Variants in USP18 observed in about 807,000 individuals in gnomAD.
The protein encoded by USP18 is ubl carboxyl-terminal hydrolase 18.
Under a neutral mutation model 48.7 loss-of-function variants are expected in USP18, and 11 were observed. The observed-to-expected ratio is 0.23, with a 90% CI of 0.14 to 0.37. The LOEUF (loss-of-function observed/expected upper bound fraction) is 0.37, where lower values mean the gene tolerates loss of function less well. USP18 is among the 10% of genes least tolerant of loss of function. USP18 has a pLI of 1.00. For synonymous variants in USP18, 114 were observed against 163.2 expected, an observed-to-expected ratio of 0.70 and a Z score of 2.30; for missense variants, 285 against 436.4, an observed-to-expected ratio of 0.65 and a Z score of 3.09.
intron 1 of USP18, among the ~76,000 whole-genome samples, chr22:18,155,156 T>TCAGGGCC (rs1322516644): frequency 7.9e-5 from 12 of 152,250 alleles, no homozygotes; most frequent in Admixed American, 7.8e-4. Flanking sequence ...CTGAAGTTAT[T>TCAGGGCC]CAGGGCCCAG....
chr22:18,172,034 G>T (rs1474668008), intron 8 of USP18, among the ~76,000 whole-genome samples: 1 of 152,130 alleles, frequency 6.6e-6, no homozygotes, highest in Non-Finnish European at 1.5e-5. Context: ...TCTTTGGGAG[G>T]CCAAGAGGAT....
At chr22:18,151,725 A>C (rs1929004429) in intron 1 of USP18, among the ~76,000 whole-genome samples, 1 of 152,084 alleles carries the variant, frequency 6.6e-6, no homozygotes, top group African/African-American at 2.4e-5. Flanking sequence ...AAGTGTTGTA[A>C]TCCGTGTGTT....
chr22:18,157,226 G>A (rs1029016864), intron 1 of USP18, among the ~76,000 whole-genome samples: 4 of 152,252 alleles, frequency 2.6e-5, no homozygotes, highest in African/African-American at 9.6e-5. Context: ...CCTGGCATCA[G>A]GGGCTGAGAG....
chr22:18,171,645 G>T (rs1430101488), intron 8 of USP18, among the ~76,000 whole-genome samples: 3 of 150,698 alleles, frequency 2.0e-5, no homozygotes, highest in Non-Finnish European at 4.4e-5. Context: ...AACAAAACAA[G>T]AAAAACTAAA....
intron 2 of USP18, among the ~76,000 whole-genome samples, chr22:18,159,118 C>T (rs1003033628): frequency 2.9e-4 from 44 of 151,232 alleles, no homozygotes; most frequent in African/African-American, 1.0e-3. Flanking sequence ...TGCAGTGGCA[C>T]GATCTTGGCT....
intron 10 of USP18, among the ~76,000 whole-genome samples, chr22:18,175,144 A>G (rs971729701): frequency 1.3e-5 from 2 of 152,056 alleles, no homozygotes; most frequent in African/African-American, 4.8e-5. Flanking sequence ...CGATCTCCTG[A>G]CCTCGTGATC....
rs186296490 is a variant in USP18 at position 18,174,706 on chromosome 22, A to G, written c.1073+864A>G. Among the ~76,000 whole-genome samples, 15 of 152,182 alleles carry G rather than the reference A, an allele frequency of 9.9e-5. No individual in the cohort carries two copies. In the East Asian group the frequency reaches 1.5e-3, roughly 16 times the overall value. On this transcript the variant is annotated intron_variant, in intron 10 of 10. Coordinates refer to ENST00000215794, the MANE Select transcript of USP18 (RefSeq NM_017414.4). ...TGGGCACAGGTGATCCTCCCACCTCAGCCTCCTGAATAGCTGGGACTACAG... is the reference window on the plus strand; with the variant it reads ...TGGGCACAGGTGATCCTCCCACCTCGGCCTCCTGAATAGCTGGGACTACAG...
rs1472271450 is a variant in USP18 at position 18,157,756 on chromosome 22, A to G, written c.93A>G (p.Glu31=). The stretch of plus-strand genomic sequence containing the variant: ...CGGCAGATCTTGAAGAAAAGAAGGA[A>G]GAAGACAGCAACATGAAGAGAGAGC... The part of the protein sequence containing the change: ...QSPADLEEKK[E]EDSNMKREQP... Residue 31 remains glutamate, a synonymous_variant, in exon 2 of 11, where the codon GAA becomes GAG. Coordinates refer to ENST00000215794, the MANE Select transcript of USP18 (RefSeq NM_017414.4). 2 of 1,614,150 alleles carry G rather than the reference A, an allele frequency of 1.2e-6. No individual in the cohort carries two copies. Among genetic ancestry groups the G allele is most frequent in the South Asian group, 2.2e-5 (2 of 91,084 alleles).
chr22:18,158,681 C>T (rs2123729928), intron 2 of USP18, among the ~76,000 whole-genome samples: 1 of 152,248 alleles, frequency 6.6e-6, no homozygotes, highest in South Asian at 2.1e-4. Context: ...TTCTCGTATT[C>T]TTATAAGTTC....
chr22:18,161,930 T>G lies in USP18; in HGVS notation c.395T>G (p.Val132Gly). The change falls in exon 4 of 11, where the codon GTG becomes GGG. Residue 132 changes from valine to glycine, a missense_variant. Around this residue, in one of 5 missense-constraint regions of USP18, gnomAD observed 199 missense variants for 239.6 expected, o/e 0.83. Coordinates refer to ENST00000215794, the MANE Select transcript of USP18 (RefSeq NM_017414.4). ...GCCTACTGCCTGCAGAAGTGCAACG[T>G]GCCCTGTAAGATACCCTCCCACTGG... Reference protein sequence around the residue: ...ELAYCLQKCNVPLFVQHDAAQ... With the variant: ...ELAYCLQKCNGPLFVQHDAAQ... 1.9e-6 allele frequency: 3 copies of G among 1,612,228 alleles called. No individual in the cohort carries two copies. Among genetic ancestry groups the G allele is most frequent in the Non-Finnish European group, 2.5e-6 (3 of 1,179,022 alleles).
At chr22:18,151,940 A>G (rs931176056) in intron 1 of USP18, among the ~76,000 whole-genome samples, 3 of 152,108 alleles carry the variant, frequency 2.0e-5, no homozygotes, top group Non-Finnish European at 4.4e-5. Flanking sequence ...TGTAGTCCCA[A>G]CTACTCGGGA....
In USP18 at chr22:18,160,216, T is replaced by A; in HGVS notation, c.202T>A (p.Ser68Thr). Reference sequence around the variant, plus strand: ...CATTGGACAGACCTGCTGCCTTAACTCCTTGATTCAGGTGTTCGTAATGAA... The same window carrying A: ...CATTGGACAGACCTGCTGCCTTAACACCTTGATTCAGGTGTTCGTAATGAA... ...HNIGQTCCLN[S>T]LIQVFVMNVD... Residue 68 changes from serine (S) to threonine (T), a missense_variant, in exon 3 of 11, where the codon TCC becomes ACC. By Grantham distance (58) the Ser-to-Thr change is moderately conservative (BLOSUM62 1). Coordinates refer to ENST00000215794, the MANE Select transcript of USP18 (RefSeq NM_017414.4). 1 of 1,614,182 alleles carries A rather than the reference T, an allele frequency of 6.2e-7. No individual in the cohort carries two copies. The highest frequency in any genetic ancestry group is 1.7e-5 in the Admixed American group (1 of 60,020).
intron 3 of USP18, 148 bp from the exon 4 acceptor site, chr22:18,161,642 G>A (rs1196219734): frequency 1.2e-4 from 84 of 723,278 alleles, no homozygotes; most frequent in Non-Finnish European, 1.6e-4. Flanking sequence ...AACTGCCCGC[G>A]CCCCGCCCCC....
chr22:18,167,688 A>T (rs896135815), intron 5 of USP18, among the ~76,000 whole-genome samples: 1 of 127,726 alleles, frequency 7.8e-6, no homozygotes, highest in Non-Finnish European at 1.6e-5. Context: ...ACAGAGCGAG[A>T]CTCTGTCTCA....
At chr22:18,155,757 G>C (rs1056051824) in intron 1 of USP18, among the ~76,000 whole-genome samples, 23 of 152,348 alleles carry the variant, frequency 1.5e-4, no homozygotes, top group Admixed American at 1.4e-3. Context: ...CGCCATGCCT[G>C]AGCCTCCCCA....
chr22:18,173,317 G>C (rs1217643085), intron 9 of USP18, 36 bp downstream of exon 9: 2 of 1,575,378 alleles, frequency 1.3e-6, no homozygotes, highest in Non-Finnish European at 1.7e-6. Flanking sequence ...TCCTGCCCTG[G>C]ATTGGCCACC....
intron 1 of USP18, among the ~76,000 whole-genome samples, chr22:18,154,397 C>T (rs117543853): frequency 0.017 from 2,611 of 152,118 alleles, 34 homozygotes; most frequent in Non-Finnish European, 0.025. Context: ...AGGCTTTCAC[C>T]TTTTATAAGA....
At chr22:18,172,147 C>G (rs1178416471) in intron 8 of USP18, among the ~76,000 whole-genome samples, 1 of 152,092 alleles carries the variant, frequency 6.6e-6, no homozygotes, top group Non-Finnish European at 1.5e-5. Flanking sequence ...AAATAGATAC[C>G]AAAGTGTGTA....
intron 1 of USP18, among the ~76,000 whole-genome samples, chr22:18,152,109 G>A (rs1929014567): frequency 1.3e-5 from 2 of 152,160 alleles, no homozygotes; most frequent in South Asian, 4.1e-4. Context: ...ATGTGAACAC[G>A]TCATCGAGAC....
Sources: gnomAD v4.1 joint callset for allele counts (sites outside exome capture counted in the v4.1 genomes callset) on GRCh38, gnomAD v4.1.1 for gene constraint, gnomAD v4.1.1 regional missense constraint, MANE v1.5 for transcripts, NCBI Gene and HGNC (gene_info 2026-07-23, HGNC 2026-07-21) for gene names.